The following TENM2 variants were observed in gnomAD, a reference collection of about 807,000 sequenced individuals.
The protein encoded by TENM2 is teneurin transmembrane protein 2.
TENM2 carries 52 observed loss-of-function variants against 245.2 expected under a neutral mutation model. That is an observed-to-expected ratio of 0.21 (90% confidence interval 0.17 to 0.27). The LOEUF (loss-of-function observed/expected upper bound fraction) is 0.27, where lower values mean the gene tolerates loss of function less well. Among genes scored for constraint, TENM2 ranks in the 10% least tolerant of loss-of-function variants. TENM2 has a pLI of 1.00. For missense variants in TENM2, 3,046 were observed against 3,666.8 expected (o/e 0.83, Z 4.37); for synonymous variants, 1,363 against 1,438.9 (o/e 0.95, Z 1.19).
chr5:168,119,739 C>T (rs965527827), intron 10 of TENM2, among the ~76,000 whole-genome samples: 6 of 152,134 alleles, frequency 3.9e-5, no homozygotes, highest in Admixed American at 1.3e-4. Flanking sequence ...CTCAAACAGC[C>T]CTTTTCCCTC....
intron 2 of TENM2, among the ~76,000 whole-genome samples, chr5:167,850,158 T>G (rs1770444540): frequency 1.3e-5 from 2 of 152,146 alleles, no homozygotes; most frequent in Admixed American, 1.3e-4. Flanking sequence ...GACAAAAGAC[T>G]TTAGAAGACA....
intron 26 of TENM2, among the ~76,000 whole-genome samples, chr5:168,245,236 C>T (rs1183769404): frequency 1.0e-5 from 1 of 99,498 alleles, no homozygotes; most frequent in African/African-American, 4.2e-5. Context: ...GGGTGGGGGG[C>T]GGGGGTGCTA....
intron 2 of TENM2, among the ~76,000 whole-genome samples, chr5:167,412,223 A>C (rs1030874350): frequency 6.6e-6 from 1 of 152,218 alleles, no homozygotes; most frequent in South Asian, 2.1e-4. Context: ...AGAAAGAGGA[A>C]CAGGAGCAGC....
chr5:167,574,045 G>A (rs936228012), intron 2 of TENM2: 2 of 152,130 alleles, frequency 1.3e-5, no homozygotes, highest in Non-Finnish European at 2.9e-5. Context: ...CGATCGGAGG[G>A]TTTGACCGAG....
the TENM2 span, among the ~76,000 whole-genome samples, chr5:167,214,467 GTAAT>G: frequency 6.6e-6 from 1 of 152,034 alleles, no homozygotes; most frequent in Non-Finnish European, 1.5e-5. Context: ...GCATTTTTTG[GTAAT>G]TCAGAGGCAC....
At chr5:167,004,293 A>G in the TENM2 span, among the ~76,000 whole-genome samples, 3 of 152,330 alleles carry the variant, frequency 2.0e-5, no homozygotes, top group Admixed American at 6.5e-5. Context: ...AAATTGCACT[A>G]GATCTTAGCA....
In TENM2 at chr5:168,226,017, G is replaced by GTCTT. The variant is rs147293426; in HGVS notation, c.5109-70_5109-67dup. Reference sequence around the variant, plus strand: ...CCCAGCTCTTTCTCTGGCCCTGTGAGTCTTGGGAACACTGTCAGCCCCAAT... The same window carrying GTCTT: ...CCCAGCTCTTTCTCTGGCCCTGTGAGTCTTTCTTGGGAACACTGTCAGCCCCAAT... On this transcript the variant is annotated intron_variant, in intron 23 of 28. Coordinates refer to ENST00000518659, the Ensembl canonical transcript of TENM2. 4,136 of 1,443,448 alleles carry GTCTT rather than the reference G, an allele frequency of 2.9e-3. 78 individuals are homozygous for GTCTT. In the African/African-American group the frequency reaches 0.048, roughly 17 times the overall value. 89.4% of individuals were successfully genotyped at this position (1,443,448 alleles called of 1,614,324 possible).
chr5:167,963,865 A>G (rs1781193996), intron 4 of TENM2, among the ~76,000 whole-genome samples: 1 of 152,238 alleles, frequency 6.6e-6, no homozygotes, highest in South Asian at 2.1e-4. Context: ...TTGGAATTTA[A>G]CAAAAGACAA....
intron 2 of TENM2, among the ~76,000 whole-genome samples, chr5:167,644,806 C>G (rs1561632855): frequency 6.6e-6 from 1 of 152,328 alleles, no homozygotes; most frequent in African/African-American, 2.4e-5. Context: ...CCCTTTCACT[C>G]CTGCTGGTAC....
chr5:167,252,425 G>A, the TENM2 span, among the ~76,000 whole-genome samples: 1 of 152,124 alleles, frequency 6.6e-6, no homozygotes, highest in Non-Finnish European at 1.5e-5. Context: ...AATGGCTTTG[G>A]GAGGTTTCCT....
chr5:167,353,269 G>T (rs956210289), intron 1 of TENM2, among the ~76,000 whole-genome samples: 1 of 148,234 alleles, frequency 6.7e-6, no homozygotes, highest in Non-Finnish European at 1.5e-5. Flanking sequence ...GGGATAAATG[G>T]TGCTGAACGT....
intron 1 of TENM2, among the ~76,000 whole-genome samples, chr5:167,353,505 T>TG (rs1448220401): frequency 1.3e-4 from 13 of 97,452 alleles, no homozygotes; most frequent in South Asian, 7.5e-4. Context: ...TTGTTGTTTT[T>TG]TTTTTTTTTT....
At chr5:167,243,804 C>A in the TENM2 span, among the ~76,000 whole-genome samples, 1 of 152,160 alleles carries the variant, frequency 6.6e-6, no homozygotes, top group Non-Finnish European at 1.5e-5. Flanking sequence ...GCATTGATAT[C>A]CAATTGATCT....
the TENM2 span, among the ~76,000 whole-genome samples, chr5:167,180,946 G>GA: frequency 4.7e-3 from 678 of 144,280 alleles, 4 homozygotes; most frequent in African/African-American, 0.011. Flanking sequence ...AGCTTTTATT[G>GA]AAAAAAAAAA....
chr5:167,377,148 T>C lies in TENM2; in HGVS notation c.502+1675T>C, dbSNP rs375396545. Among the ~76,000 whole-genome samples the C allele has an allele frequency of 1.6e-4, 24 of 152,264 alleles. 1 individual carries two copies. The highest frequency in any genetic ancestry group is 4.6e-4 in the African/African-American group (19 of 41,566). On this transcript the variant is annotated intron_variant, in intron 2 of 28. Transcript: ENST00000518659. The stretch of plus-strand genomic sequence containing the variant: ...AAAAAATGCTTGCCATGAATTTACC[T>C]AGGAGAGTTATGGATGAAAAAAATC...
intron 2 of TENM2, among the ~76,000 whole-genome samples, chr5:167,652,252 A>T (rs961491358): frequency 2.0e-5 from 3 of 152,214 alleles, no homozygotes; most frequent in African/African-American, 7.2e-5. Flanking sequence ...ATCTTTTAAA[A>T]ATGCAAATCA....
At chr5:167,505,185 T>C (rs1366275354) in intron 2 of TENM2, among the ~76,000 whole-genome samples, 1 of 152,182 alleles carries the variant, frequency 6.6e-6, no homozygotes, top group Non-Finnish European at 1.5e-5. Flanking sequence ...GATTGAAAGC[T>C]GCCTCGGTAT....
intron 15 of TENM2, among the ~76,000 whole-genome samples, chr5:168,198,580 A>T (rs1761664451): frequency 6.6e-6 from 1 of 152,204 alleles, no homozygotes; most frequent in African/African-American, 2.4e-5. Flanking sequence ...TACACTCATG[A>T]TGTTTCACTC....
intron 2 of TENM2, among the ~76,000 whole-genome samples, chr5:167,835,042 G>A (rs746544679): frequency 2.0e-5 from 3 of 152,178 alleles, no homozygotes; most frequent in African/African-American, 2.4e-5. Context: ...TCAAATCCTC[G>A]CACTGCCCCT....
Sources: allele counts gnomAD v4.1 joint callset (sites outside exome capture counted in the v4.1 genomes callset), GRCh38; gene constraint gnomAD v4.1.1; transcripts MANE v1.5; gene names NCBI Gene and HGNC (gene_info 2026-07-23, HGNC 2026-07-21).